SEC24D: variants seen among roughly 807,000 people sequenced by gnomAD.
The protein encoded by SEC24D is protein transport protein Sec24D.
SEC24D carries 69 observed loss-of-function variants against 116.9 expected under a neutral mutation model. The observed-to-expected ratio is 0.59, with a 90% confidence interval of 0.49 to 0.72. The LOEUF (loss-of-function observed/expected upper bound fraction) is 0.72. Ranked by LOEUF, SEC24D falls within the 30% of genes least tolerant of loss-of-function variation. The probability of loss-of-function intolerance (pLI) is 0.00; values close to 1 mark genes in which losing one functional copy is unlikely to be tolerated. For missense variants in SEC24D, 1,131 were observed against 1,264.1 expected, an observed-to-expected ratio of 0.89 and a Z score of 1.60; for synonymous variants, 405 against 442.8, an observed-to-expected ratio of 0.91 and a Z score of 1.07.
At chr4:118,762,978 G>A (rs1048092296) in intron 10 of SEC24D, among the ~76,000 whole-genome samples, 2 of 152,182 alleles carry the variant, frequency 1.3e-5, no homozygotes, top group Admixed American at 6.5e-5. Flanking sequence ...TAGAAACTGA[G>A]AGCAGGGTTA....
chr4:118,821,367 A>G (rs567454331), intron 3 of SEC24D, among the ~76,000 whole-genome samples: 1 of 152,186 alleles, frequency 6.6e-6, no homozygotes, highest in Non-Finnish European at 1.5e-5. Flanking sequence ...TTATTTTATA[A>G]TTAAAAACAC....
intron 2 of SEC24D, among the ~76,000 whole-genome samples, chr4:118,829,415 G>A (rs1481014779): frequency 6.6e-6 from 1 of 152,090 alleles, no homozygotes; most frequent in East Asian, 1.9e-4. Context: ...GGGAAGCTGG[G>A]GCAGGAGGAT....
intron 8 of SEC24D, among the ~76,000 whole-genome samples, chr4:118,772,115 T>C (rs1015213094): frequency 1.3e-5 from 2 of 152,228 alleles, no homozygotes; most frequent in Non-Finnish European, 2.9e-5. Context: ...AGGCTGTGTG[T>C]ATTTTTGTTT....
At chr4:118,735,336 C>G (rs1406741641) in intron 19 of SEC24D, among the ~76,000 whole-genome samples, 3 of 152,160 alleles carry the variant, frequency 2.0e-5, no homozygotes, top group Non-Finnish European at 4.4e-5. Context: ...CCATGGATTA[C>G]CACTGTAAAA....
intron 12 of SEC24D, 124 bp from the exon 13 acceptor site, chr4:118,752,213 G>C (rs1305057000): frequency 1.6e-6 from 1 of 625,662 alleles, no homozygotes; most frequent in Non-Finnish European, 2.8e-6. Flanking sequence ...AACACCTATA[G>C]GTAATTTTTC....
intron 2 of SEC24D, among the ~76,000 whole-genome samples, chr4:118,828,528 G>A (rs1468977029): frequency 6.6e-6 from 1 of 152,136 alleles, no homozygotes; most frequent in African/African-American, 2.4e-5. Flanking sequence ...ACAACTCCCA[G>A]AAGGTTGGGG....
At chr4:118,823,888 T>C (rs147448841) in intron 3 of SEC24D, among the ~76,000 whole-genome samples, 66 of 152,312 alleles carry the variant, frequency 4.3e-4, no homozygotes, top group African/African-American at 1.5e-3. Flanking sequence ...CACAGACCCA[T>C]TGGCGACAAT....
chr4:118,774,685 A>T (rs547395462), intron 8 of SEC24D, among the ~76,000 whole-genome samples: 1 of 152,150 alleles, frequency 6.6e-6, no homozygotes, highest in Non-Finnish European at 1.5e-5. Context: ...TGTGACTTGA[A>T]TCAAGCCCTT....
At position 118,815,012 on chromosome 4, in the gene SEC24D, T is replaced by C; in HGVS notation, c.801+16A>G. 6.2e-7 allele frequency: 1 copy of C among 1,611,376 alleles called. No individual in the cohort carries two copies. The highest frequency in any genetic ancestry group is 1.1e-5 in the South Asian group (1 of 90,572). ...TCCTTTGTGAGTGAGACTGTGAGAG[T>C]GAGAAGAGTACTTACTGGGCTAGGG... On this transcript the variant is annotated intron_variant, in intron 6 of 22. Transcript: ENST00000280551.
chr4:118,729,949 C>T (rs1725599643), intron 21 of SEC24D: 1 of 152,200 alleles, frequency 6.6e-6, no homozygotes, highest in Non-Finnish European at 1.5e-5. Flanking sequence ...AAGTATTCTT[C>T]ATGTATGTGT....
intron 8 of SEC24D, among the ~76,000 whole-genome samples, chr4:118,774,501 G>T: frequency 6.6e-6 from 1 of 152,130 alleles, no homozygotes; most frequent in East Asian, 1.9e-4. Flanking sequence ...TTGTTCAGAG[G>T]AATGCAAGGT....
Position 118,797,792 on chromosome 4 carries a change from A to C in SEC24D, c.932T>G (p.Phe311Cys). 6.2e-7 allele frequency: 1 copy of C among 1,602,278 alleles called. No individual in the cohort carries two copies. ...IQDQGNASPR[F>C]IRCTTYCFPC... ...AAAACAGTATGTTGTACAACGGATGAATCGAGGACTGGCATTTCCTGAAAC... is the reference window on the plus strand; with the variant it reads ...AAAACAGTATGTTGTACAACGGATGCATCGAGGACTGGCATTTCCTGAAAC... Residue 311 changes from phenylalanine to cysteine, a missense_variant, in exon 8 of 23, where the codon TTC becomes TGC. By Grantham distance (205) the Phe-to-Cys change is radical. Coordinates refer to ENST00000280551, the MANE Select transcript of SEC24D (RefSeq NM_014822.4).
chr4:118,812,240 T>C lies in SEC24D; in HGVS notation c.801+2788A>G, dbSNP rs147603355. On this transcript the variant is annotated intron_variant, in intron 6 of 22. Transcript: ENST00000280551. ...CAGAGTGGTGGCCCTCAGAAAGATA[T>C]GTCCATGTCCTAATCTCTGAAATCT... Among the ~76,000 whole-genome samples the C allele has an allele frequency of 4.0e-3, 614 of 152,188 alleles. 4 individuals carry two copies. Among genetic ancestry groups the C allele is most frequent in the African/African-American group, 0.014 (574 of 41,518 alleles).
intron 18 of SEC24D, among the ~76,000 whole-genome samples, chr4:118,738,691 G>A (rs1336285049): frequency 6.6e-6 from 1 of 152,140 alleles, no homozygotes; most frequent in Non-Finnish European, 1.5e-5. Flanking sequence ...ATTCTTACGG[G>A]CTGGATTGCT....
chr4:118,783,152 A>G (rs934306346), intron 8 of SEC24D, among the ~76,000 whole-genome samples: 2 of 152,192 alleles, frequency 1.3e-5, no homozygotes, highest in Admixed American at 6.5e-5. Flanking sequence ...CAGGTACCTC[A>G]GTTGGAAATG....
intron 10 of SEC24D, chr4:118,764,397 T>A (rs767067965): frequency 3.8e-5 from 6 of 156,336 alleles, no homozygotes; most frequent in Non-Finnish European, 4.2e-5. Context: ...GGAAGGGAGG[T>A]ACAGAAACAC....
At chr4:118,730,215 A>G (rs539335697) in intron 21 of SEC24D, 1 of 152,344 alleles carries the variant, frequency 6.6e-6, no homozygotes, top group Non-Finnish European at 1.5e-5. Flanking sequence ...CTTCAGACTC[A>G]TAGTTCTTTG....
intron 6 of SEC24D, among the ~76,000 whole-genome samples, chr4:118,806,675 T>C (rs1045334973): frequency 6.6e-6 from 1 of 151,448 alleles, no homozygotes; most frequent in African/African-American, 2.4e-5. Flanking sequence ...GAAAAGAAAT[T>C]GAAAACAACG....
chr4:118,804,257 AT>A (rs966934756), intron 7 of SEC24D, among the ~76,000 whole-genome samples: 2 of 152,222 alleles, frequency 1.3e-5, no homozygotes, highest in African/African-American at 4.8e-5. Context: ...TCCGATAAAT[AT>A]TTATTGGTCA....
Sources: allele counts gnomAD v4.1 joint callset (sites outside exome capture counted in the v4.1 genomes callset), GRCh38; gene constraint gnomAD v4.1.1; transcripts MANE v1.5; gene names NCBI Gene and HGNC (gene_info 2026-07-23, HGNC 2026-07-21).